The following REDIC1 variants were observed in gnomAD, a reference collection of about 807,000 sequenced individuals.
REDIC1 encodes the protein HEI10 Interacting Protein 1.
At chr12:39,712,170 A>ATGTATATGTACATGTT in the REDIC1 span, among the ~76,000 whole-genome samples, 1 of 143,840 alleles carries the variant, frequency 7.0e-6, no homozygotes, top group African/African-American at 2.6e-5. Context: ...ATGTACATGT[A>ATGTATATGTACATGTT]TATATACCTG....
At chr12:39,870,310 A>T in the REDIC1 span, among the ~76,000 whole-genome samples, 1 of 152,212 alleles carries the variant, frequency 6.6e-6, no homozygotes, top group East Asian at 1.9e-4. Context: ...ATTCATCTGA[A>T]AATCAAGGGT....
At chr12:39,899,513 C>T in the REDIC1 span, among the ~76,000 whole-genome samples, 1 of 151,868 alleles carries the variant, frequency 6.6e-6, no homozygotes, top group African/African-American at 2.4e-5. Flanking sequence ...TATTTCTTGC[C>T]CTCTGCTAGC....
the REDIC1 span, among the ~76,000 whole-genome samples, chr12:39,709,254 C>G: frequency 6.7e-6 from 1 of 148,536 alleles, no homozygotes; most frequent in Non-Finnish European, 1.5e-5. Context: ...TTGCCAATAG[C>G]TTTTTTTTCT....
At chr12:39,828,174 C>T in the REDIC1 span, among the ~76,000 whole-genome samples, 1 of 152,076 alleles carries the variant, frequency 6.6e-6, no homozygotes, top group Non-Finnish European at 1.5e-5. Context: ...TCTTTTCTAG[C>T]CAAGACTAAG....
chr12:39,824,756 G>A, the REDIC1 span, among the ~76,000 whole-genome samples: 223 of 152,220 alleles, frequency 1.5e-3, no homozygotes, highest in African/African-American at 5.3e-3. Flanking sequence ...ATCCAGGGGA[G>A]TGCTAGAGGG....
the REDIC1 span, among the ~76,000 whole-genome samples, chr12:39,772,026 AC>A: frequency 3.3e-5 from 5 of 152,100 alleles, no homozygotes; most frequent in East Asian, 3.9e-4. Context: ...TGTGGATGCT[AC>A]CCATTCACCT....
At chr12:39,631,264 TA>T in the REDIC1 span, among the ~76,000 whole-genome samples, 2 of 152,218 alleles carry the variant, frequency 1.3e-5, no homozygotes, top group Admixed American at 6.5e-5. Context: ...AATTTTTATT[TA>T]AAACATTCCA....
At chr12:39,669,037 CCTT>C in the REDIC1 span, among the ~76,000 whole-genome samples, 3 of 152,150 alleles carry the variant, frequency 2.0e-5, no homozygotes, top group Non-Finnish European at 2.9e-5. Flanking sequence ...TCATCTGAAG[CCTT>C]CTTCTCTCAA....
the REDIC1 span, among the ~76,000 whole-genome samples, chr12:39,841,055 C>T: frequency 6.6e-6 from 1 of 151,980 alleles, no homozygotes; most frequent in African/African-American, 2.4e-5. Context: ...CATACATGAC[C>T]ATCTGGAACT....
chr12:39,739,162 G>T, the REDIC1 span, among the ~76,000 whole-genome samples: 2 of 152,120 alleles, frequency 1.3e-5, no homozygotes, highest in African/African-American at 4.8e-5. Flanking sequence ...TAAGATCATG[G>T]TATTGAATTG....
At chr12:39,648,086 T>A in the REDIC1 span, 1 of 730,386 alleles carries the variant, frequency 1.4e-6, no homozygotes, top group Non-Finnish European at 2.0e-6. Flanking sequence ...GCTATACATA[T>A]AAACAAATTA....
the REDIC1 span, among the ~76,000 whole-genome samples, chr12:39,711,560 C>A: frequency 2.4e-5 from 1 of 41,718 alleles, no homozygotes; most frequent in African/African-American, 5.8e-5. Context: ...CATACACATG[C>A]ATGTGTATAT....
At chr12:39,769,296 G>A in the REDIC1 span, among the ~76,000 whole-genome samples, 68 of 151,914 alleles carry the variant, frequency 4.5e-4, no homozygotes, top group Non-Finnish European at 8.8e-4. Context: ...CCTATGTGAC[G>A]AACTTACCTC....
chr12:39,681,834 T>C, the REDIC1 span, among the ~76,000 whole-genome samples: 1 of 152,186 alleles, frequency 6.6e-6, no homozygotes, highest in Non-Finnish European at 1.5e-5. Flanking sequence ...TATTAGAGTT[T>C]TAGCAATCTG....
the REDIC1 span, among the ~76,000 whole-genome samples, chr12:39,860,288 A>G: frequency 3.3e-4 from 50 of 152,176 alleles, no homozygotes; most frequent in African/African-American, 1.2e-3. Flanking sequence ...TCCAGCATGA[A>G]TAGCTTATGA....
the REDIC1 span, among the ~76,000 whole-genome samples, chr12:39,740,178 T>G: frequency 6.6e-6 from 1 of 152,336 alleles, no homozygotes; most frequent in Non-Finnish European, 1.5e-5. Context: ...TTTAGATGGT[T>G]TATTACACAG....
At chr12:39,657,674 C>T in the REDIC1 span, among the ~76,000 whole-genome samples, 1 of 152,056 alleles carries the variant, frequency 6.6e-6, no homozygotes, top group Non-Finnish European at 1.5e-5. Context: ...TAAAGTTATT[C>T]ATAACTTTCT....
the REDIC1 span, among the ~76,000 whole-genome samples, chr12:39,783,260 C>G: frequency 1.3e-5 from 2 of 152,164 alleles, no homozygotes; most frequent in African/African-American, 4.8e-5. Flanking sequence ...TTTCTTAATT[C>G]ACTCTATCAC....
the REDIC1 span, among the ~76,000 whole-genome samples, chr12:39,727,693 A>G: frequency 1.3e-5 from 2 of 152,028 alleles, no homozygotes. Context: ...TCTGTGAAGA[A>G]AGTCTAATTG....
Sources: allele counts gnomAD v4.1 joint callset (sites outside exome capture counted in the v4.1 genomes callset), GRCh38; gene constraint gnomAD v4.1.1; transcripts MANE v1.5; gene names NCBI Gene and HGNC (gene_info 2026-07-23, HGNC 2026-07-21).